KLF12: variants seen among roughly 807,000 people sequenced by gnomAD.
KLF12 encodes the protein Krueppel-like factor 12.
A neutral mutation model predicts 37.8 loss-of-function variants in KLF12; 9 were observed. That is an observed-to-expected ratio of 0.24 (90% CI 0.14 to 0.42). The LOEUF is 0.42. Among genes scored for constraint, KLF12 ranks in the 10% least tolerant of loss-of-function variants. The probability of loss-of-function intolerance (pLI) is 1.00; values close to 1 mark genes in which losing one functional copy is unlikely to be tolerated. For missense variants in KLF12, 411 were observed against 516.0 expected, an observed-to-expected ratio of 0.80 and a Z score of 1.97; for synonymous variants, 208 against 202.1, an observed-to-expected ratio of 1.03 and a Z score of -0.25.
intron 6 of KLF12, among the ~76,000 whole-genome samples, chr13:73,735,244 G>C (rs1001932135): frequency 6.6e-6 from 1 of 152,018 alleles, no homozygotes; most frequent in African/African-American, 2.4e-5. Context: ...GCTGCAGTGA[G>C]CTATGATTGT....
intron 3 of KLF12, among the ~76,000 whole-genome samples, chr13:73,933,439 T>C (rs1486484711): frequency 6.6e-6 from 1 of 152,190 alleles, no homozygotes; most frequent in Non-Finnish European, 1.5e-5. Flanking sequence ...GGTTTTTTTA[T>C]AGATATTTAA....
At chr13:74,163,626 A>G in the KLF12 span, among the ~76,000 whole-genome samples, 1 of 152,126 alleles carries the variant, frequency 6.6e-6, no homozygotes, top group Admixed American at 6.5e-5. Flanking sequence ...GGGTACAAAA[A>G]ATGAAAAGGA....
chr13:74,180,449 A>G, the KLF12 span, among the ~76,000 whole-genome samples: 1 of 152,186 alleles, frequency 6.6e-6, no homozygotes, highest in Middle Eastern at 3.2e-3. Flanking sequence ...GCTTTCCTGA[A>G]ATGGGGTTGG....
intron 5 of KLF12, among the ~76,000 whole-genome samples, chr13:73,802,714 T>C (rs906561502): frequency 6.6e-5 from 10 of 152,178 alleles, no homozygotes; most frequent in African/African-American, 2.4e-4. Context: ...AGTGAGAACA[T>C]GTGGTATTTG....
chr13:73,811,577 T>G (rs1882943839), intron 5 of KLF12, among the ~76,000 whole-genome samples: 1 of 152,200 alleles, frequency 6.6e-6, no homozygotes, highest in Non-Finnish European at 1.5e-5. Context: ...GCTTTCTATA[T>G]GCCAAAACTT....
the KLF12 span, among the ~76,000 whole-genome samples, chr13:74,260,405 C>T: frequency 3.3e-5 from 5 of 151,698 alleles, no homozygotes; most frequent in South Asian, 4.2e-4. Context: ...AAAGCAGAAA[C>T]ATTAGCTGGG....
chr13:74,105,432 A>G (rs1876600864), intron 1 of KLF12, among the ~76,000 whole-genome samples: 1 of 152,202 alleles, frequency 6.6e-6, no homozygotes, highest in Non-Finnish European at 1.5e-5. Flanking sequence ...AATAACCATT[A>G]TCATATTTTA....
chr13:73,936,051 T>C (rs1424933375), intron 3 of KLF12, among the ~76,000 whole-genome samples: 5 of 152,242 alleles, frequency 3.3e-5, no homozygotes, highest in Non-Finnish European at 5.9e-5. Context: ...AGATACAAAA[T>C]AGATGTTTTA....
In KLF12 at chr13:74,010,481, T is replaced by C. The variant is rs535786083; in HGVS notation, c.-31-15428A>G. ...CTACATTCAACACCCAGCTTTTCTG[T>C]TTCCAAGTTATGGCCTAGCCATAAT... On this transcript the variant is annotated intron_variant, in intron 1 of 7. Transcript: ENST00000377669. Among the ~76,000 whole-genome samples, 218 of 152,358 alleles carry C rather than the reference T, an allele frequency of 1.4e-3. 2 individuals carry two copies. Among genetic ancestry groups the C allele is most frequent in the African/African-American group, 5.1e-3 (210 of 41,582 alleles).
intron 5 of KLF12, among the ~76,000 whole-genome samples, chr13:73,770,909 A>G (rs1566356529): frequency 6.6e-6 from 1 of 152,198 alleles, no homozygotes; most frequent in Non-Finnish European, 1.5e-5. Flanking sequence ...CTGTGCTAAA[A>G]ATATTACATT....
At chr13:73,724,969 C>T (rs549627505) in intron 6 of KLF12, among the ~76,000 whole-genome samples, 47 of 151,720 alleles carry the variant, frequency 3.1e-4, no homozygotes, top group Admixed American at 5.2e-4. Flanking sequence ...TACACACTTA[C>T]GCTATTTCCT....
the KLF12 span, among the ~76,000 whole-genome samples, chr13:74,240,106 G>A: frequency 6.6e-6 from 1 of 152,134 alleles, no homozygotes; most frequent in East Asian, 1.9e-4. Context: ...CATGTTTAGT[G>A]CTTCCTTCAG....
chr13:74,032,262 G>A (rs973211291), intron 1 of KLF12, among the ~76,000 whole-genome samples: 9 of 152,154 alleles, frequency 5.9e-5, no homozygotes, highest in Admixed American at 3.9e-4. Flanking sequence ...AGAAGAACTT[G>A]TAGTAAACCA....
intron 1 of KLF12, among the ~76,000 whole-genome samples, chr13:74,119,705 T>A (rs779699174): frequency 2.0e-5 from 3 of 151,888 alleles, no homozygotes; most frequent in African/African-American, 4.8e-5. Context: ...TCAAGACTTG[T>A]GGGGCAATAC....
chr13:73,982,845 A>C (rs1260073725), intron 2 of KLF12, among the ~76,000 whole-genome samples: 3 of 152,178 alleles, frequency 2.0e-5, no homozygotes, highest in Non-Finnish European at 4.4e-5. Flanking sequence ...CTATCTTAAT[A>C]AAAGAAATGT....
chr13:74,178,240 T>A, the KLF12 span, among the ~76,000 whole-genome samples: 1 of 152,252 alleles, frequency 6.6e-6, no homozygotes, highest in Non-Finnish European at 1.5e-5. Flanking sequence ...TGTGTGGTGT[T>A]GACAAGCTCC....
chr13:73,973,825 C>T (rs1274597734), intron 2 of KLF12, among the ~76,000 whole-genome samples: 6 of 152,042 alleles, frequency 3.9e-5, no homozygotes, highest in Non-Finnish European at 1.5e-5. Context: ...AAGCAGAAGG[C>T]TTCATGTTAC....
At chr13:74,118,909 TGAAGA>T (rs1426617032) in intron 1 of KLF12, among the ~76,000 whole-genome samples, 2 of 151,884 alleles carry the variant, frequency 1.3e-5, no homozygotes, top group Non-Finnish European at 2.9e-5. Context: ...ACCAAACACG[TGAAGA>T]GAAAACTAAA....
At chr13:74,015,213 T>C (rs1892656420) in intron 1 of KLF12, among the ~76,000 whole-genome samples, 1 of 152,220 alleles carries the variant, frequency 6.6e-6, no homozygotes, top group African/African-American at 2.4e-5. Context: ...TCTAATTTAT[T>C]GCTATTGTAA....
Sources: allele counts gnomAD v4.1 joint callset (sites outside exome capture counted in the v4.1 genomes callset), GRCh38; gene constraint gnomAD v4.1.1; transcripts MANE v1.5; gene names NCBI Gene and HGNC (gene_info 2026-07-23, HGNC 2026-07-21).